GALNT12: variants seen among roughly 807,000 people sequenced by gnomAD.
The protein encoded by GALNT12 is polypeptide N-acetylgalactosaminyltransferase 12, also known as UDP-GalNAc:polypeptide N-acetylgalactosaminyltransferase 12.
A neutral mutation model predicts 55.5 loss-of-function variants in GALNT12; 45 were observed. The observed-to-expected ratio is 0.81, with a 90% confidence interval of 0.64 to 1.04. The LOEUF (loss-of-function observed/expected upper bound fraction) is 1.04. Ranked by LOEUF, GALNT12 falls within the 50% of genes least tolerant of loss-of-function variation. The probability of loss-of-function intolerance (pLI) is 0.00; values close to 1 mark genes in which losing one functional copy is unlikely to be tolerated. For synonymous variants in GALNT12, 304 were observed against 312.2 expected, an observed-to-expected ratio of 0.97 and a Z score of 0.28; for missense variants, 709 against 754.8, an observed-to-expected ratio of 0.94 and a Z score of 0.71.
chr9:98,843,524 A>G lies in GALNT12; in HGVS notation c.1345-572A>G, dbSNP rs141823212. ...TGGGTTCAAGTGATTCTCCCGCCTC[A>G]GTCTCCCAAGTAGCTGGTACTACAG... On this transcript the variant is annotated intron_variant, in intron 7 of 9. Coordinates refer to ENST00000375011, the MANE Select transcript of GALNT12 (RefSeq NM_024642.5). Among the ~76,000 whole-genome samples the G allele has an allele frequency of 1.6e-4, 24 of 151,944 alleles. 1 individual carries two copies. In the East Asian group the frequency reaches 4.5e-3, roughly 28 times the overall value.
Position 98,845,896 on chromosome 9 carries a change from C to T in GALNT12, c.1459-81C>T, listed in dbSNP as rs1836400124. Reference sequence around the variant, plus strand: ...ATGACCCCACCCATGCTCTCGTGATCCCAGGTTCTTGTCCAGCGATCTTTC... The same window carrying T: ...ATGACCCCACCCATGCTCTCGTGATTCCAGGTTCTTGTCCAGCGATCTTTC... On this transcript the variant is annotated intron_variant, in intron 8 of 9. Transcript: ENST00000375011. 1.6e-5 allele frequency: 24 copies of T among 1,490,972 alleles called. No homozygotes were observed. The South Asian group carries it at 2.8e-4, about 18-fold the overall frequency. The allele number at this position is 1,490,972 out of a possible 1,614,324, so 92.4% of individuals were successfully genotyped here.
chr9:98,847,102 G>A (rs1453271434), intron 9 of GALNT12: 2 of 152,086 alleles, frequency 1.3e-5, no homozygotes, highest in East Asian at 1.9e-4. Flanking sequence ...GCTTGCATCA[G>A]GACTTGTAAA....
At position 98,846,214 on chromosome 9, in the gene GALNT12, G is replaced by A. The variant is rs997743648; in HGVS notation, c.1605+91G>A. Reference sequence around the variant, plus strand: ...AGACGTTCTCTCTGGCATAGTCCTGGTGAGGATCAGGGATGTGGCCATGCA... The same window carrying A: ...AGACGTTCTCTCTGGCATAGTCCTGATGAGGATCAGGGATGTGGCCATGCA... On this transcript the variant is annotated intron_variant, in intron 9 of 9. Transcript: ENST00000375011. The A allele has an allele frequency of 6.6e-6, 10 of 1,512,582 alleles. No homozygotes were observed. In the African/African-American group the frequency reaches 1.1e-4, roughly 17 times the overall value. The allele number at this position is 1,512,582 out of a possible 1,614,324, so 93.7% of individuals were successfully genotyped here.
chr9:98,823,169 A>G (rs1835783775), intron 1 of GALNT12, 87 bp from the exon 2 acceptor site: 2 of 1,227,406 alleles, frequency 1.6e-6, no homozygotes, highest in Non-Finnish European at 2.4e-6. Flanking sequence ...TCCGCAGGGG[A>G]CCATGACCTA....
At chr9:98,836,073 GAC>G (rs1316437578) in intron 5 of GALNT12, among the ~76,000 whole-genome samples, 1 of 152,166 alleles carries the variant, frequency 6.6e-6, no homozygotes, top group African/African-American at 2.4e-5. Flanking sequence ...TTGTTAGAAA[GAC>G]AGATTCACAA....
intron 1 of GALNT12, among the ~76,000 whole-genome samples, chr9:98,813,608 C>T (rs1835544104): frequency 1.3e-5 from 2 of 151,818 alleles, no homozygotes; most frequent in Non-Finnish European, 2.9e-5. Flanking sequence ...AGTGATTCTT[C>T]TGCCTCAGCT....
chr9:98,845,914 G>C, intron 8 of GALNT12, 63 bp from the exon 9 acceptor site: 1 of 1,578,100 alleles, frequency 6.3e-7, no homozygotes, highest in Non-Finnish European at 8.7e-7. Flanking sequence ...CTTGTCCAGC[G>C]ATCTTTCCTC....
At chr9:98,839,223 G>A (rs1012425187) in intron 6 of GALNT12, among the ~76,000 whole-genome samples, 1 of 152,196 alleles carries the variant, frequency 6.6e-6, no homozygotes, top group African/African-American at 2.4e-5. Flanking sequence ...AGCTGGGGGC[G>A]CAGTGACTTT....
chr9:98,831,682 G>A (rs908228453), intron 3 of GALNT12, 90 bp from the exon 4 acceptor site: 5 of 1,403,418 alleles, frequency 3.6e-6, no homozygotes, highest in Non-Finnish European at 5.0e-6. Context: ...TTATTGGAAG[G>A]AAGACAAGAA....
chr9:98,832,446 G>A (rs1282144534), intron 4 of GALNT12, among the ~76,000 whole-genome samples: 4 of 152,328 alleles, frequency 2.6e-5, no homozygotes, highest in Admixed American at 2.6e-4. Context: ...TTGAGTCAAG[G>A]AGTTCAAGGC....
rs568395126 is a variant in GALNT12 at position 98,823,818 on chromosome 9, C to T, written c.541+393C>T. On this transcript the variant is annotated intron_variant, in intron 2 of 9. Transcript: ENST00000375011. Reference sequence around the variant, plus strand: ...TGAGGAGCTCACTGAGCCAGCTGTGCGGGGAATGGCCAATGGCAGGGGAGG... The same window carrying T: ...TGAGGAGCTCACTGAGCCAGCTGTGTGGGGAATGGCCAATGGCAGGGGAGG... Among the ~76,000 whole-genome samples, 30 of 152,162 alleles carry T rather than the reference C, an allele frequency of 2.0e-4. 1 individual carries two copies. Among genetic ancestry groups the T allele is most frequent in the South Asian group, 1.0e-3 (5 of 4,812 alleles).
chr9:98,847,087 A>C (rs528393484), intron 9 of GALNT12: 1 of 152,204 alleles, frequency 6.6e-6, no homozygotes, highest in Non-Finnish European at 1.5e-5. Flanking sequence ...CCACACTTGC[A>C]GTCAGCTTGC....
At chr9:98,841,515 A>T (rs1836284619) in intron 7 of GALNT12, among the ~76,000 whole-genome samples, 1 of 152,166 alleles carries the variant, frequency 6.6e-6, no homozygotes, top group African/African-American at 2.4e-5. Context: ...GCCTAGGCCC[A>T]TTATTTCAAA....
intron 8 of GALNT12, 22 bp from the exon 9 acceptor site, chr9:98,845,955 A>C (rs769128117): frequency 5.6e-6 from 9 of 1,613,550 alleles, no homozygotes; most frequent in Non-Finnish European, 7.6e-6. Flanking sequence ...GTTGTGTTAC[A>C]TGTTGGCTGC....
chr9:98,845,830 G>A (rs1836397215), intron 8 of GALNT12, 147 bp from the exon 9 acceptor site: 1 of 801,020 alleles, frequency 1.2e-6, no homozygotes, highest in East Asian at 2.7e-5. Flanking sequence ...GGATGCGGAG[G>A]AACCCATCAC....
intron 1 of GALNT12, among the ~76,000 whole-genome samples, chr9:98,821,296 C>T (rs530101619): frequency 3.7e-4 from 56 of 152,250 alleles, no homozygotes; most frequent in Middle Eastern, 3.4e-3. Flanking sequence ...AGGCATGAGC[C>T]ATCATGCCCG....
Position 98,849,194 on chromosome 9 carries a change from C to A in GALNT12, c.*102C>A. On this transcript the variant is annotated 3_prime_UTR_variant, in exon 10 of 10. Transcript: ENST00000375011. ...TGACCAGAACCCACCAAAAACTAGG[C>A]TGCATTGCTTTGAAGAGGCAATCAT... 1 of 1,220,942 alleles carries A rather than the reference C, an allele frequency of 8.2e-7. No individual in the cohort carries two copies. Among genetic ancestry groups the A allele is most frequent in the African/African-American group, 1.5e-5 (1 of 67,206 alleles). 75.6% of individuals were successfully genotyped at this position (1,220,942 alleles called of 1,614,324 possible). A position where few individuals can be genotyped will look rare whatever the true frequency, so the allele number is the denominator to read the frequency against.
At position 98,807,712 on chromosome 9, in the gene GALNT12, C is replaced by G; in HGVS notation, c.14C>G (p.Thr5Arg). 8.6e-7 allele frequency: 1 copy of G among 1,157,420 alleles called. No homozygotes were observed. The highest frequency in any genetic ancestry group is 1.1e-6 in the Non-Finnish European group (1 of 941,294). The allele number at this position is 1,157,420 out of a possible 1,614,324, so 71.7% of individuals were successfully genotyped here. A position where few individuals can be genotyped will look rare whatever the true frequency, so the allele number is the denominator to read the frequency against. MWGR[T>R]ARRRCPRELR... ...GTTGGCGGGCGCATGTGGGGGCGCA[C>G]GGCGCGGCGGCGCTGCCCGCGGGAA... The change falls in exon 1 of 10, where the codon ACG becomes AGG. Residue 5 changes from threonine (T) to arginine (R), a missense_variant. By Grantham distance (71) the Thr-to-Arg change is moderately conservative. Around this residue, in one of 5 missense-constraint regions of GALNT12, gnomAD observed 110 missense variants for 102.2 expected, o/e 1.08. Coordinates refer to ENST00000375011, the MANE Select transcript of GALNT12 (RefSeq NM_024642.5).
Position 98,849,031 on chromosome 9 carries a change from T to C in GALNT12, c.1685T>C (p.Leu562Pro), listed in dbSNP as rs764337232. 1 of 1,614,218 alleles carries C rather than the reference T, an allele frequency of 6.2e-7. No individual in the cohort carries two copies. Among genetic ancestry groups the C allele is most frequent in the South Asian group, 1.1e-5 (1 of 91,088 alleles). The stretch of plus-strand genomic sequence containing the variant: ...GAGTCGAGTGACAGTTTCGTTCCAC[T>C]CTTACGAGACTGCACCAACTCGGAT... ...RKESSDSFVPLLRDCTNSDHQ... is the reference protein window; with the variant it reads ...RKESSDSFVPPLRDCTNSDHQ... The change falls in exon 10 of 10, where the codon CTC becomes CCC. Residue 562 changes from leucine to proline, a missense_variant. Leu to Pro is a moderately conservative substitution (Grantham distance 98). This residue lies in a region of GALNT12 where 262 missense variants were observed against 310.7 expected (regional missense o/e 0.84). Coordinates refer to ENST00000375011, the MANE Select transcript of GALNT12 (RefSeq NM_024642.5).
Sources: gnomAD v4.1 joint callset for allele counts (sites outside exome capture counted in the v4.1 genomes callset) on GRCh38, gnomAD v4.1.1 for gene constraint, gnomAD v4.1.1 regional missense constraint, MANE v1.5 for transcripts, NCBI Gene and HGNC (gene_info 2026-07-23, HGNC 2026-07-21) for gene names.